Variants in SERTM1 observed in about 807,000 individuals in gnomAD.
The protein encoded by SERTM1 is serine-rich and transmembrane domain-containing protein 1.
A neutral mutation model predicts 5.5 loss-of-function variants in SERTM1; 1 was observed. The ratio of observed to expected loss-of-function variants is 0.18; its 90% CI spans 0.06 to 0.86. The LOEUF is 0.86. Ranked by LOEUF, SERTM1 falls within the 40% of genes least tolerant of loss-of-function variation. The pLI, the probability that SERTM1 is intolerant of heterozygous loss-of-function variation, is 0.69. For missense variants in SERTM1, 91 were observed against 122.4 expected, an observed-to-expected ratio of 0.74 and a Z score of 1.21; for synonymous variants, 52 against 55.1, an observed-to-expected ratio of 0.94 and a Z score of 0.25.
At chr13:36,691,371 C>A (rs1162994150) in intron 1 of SERTM1, among the ~76,000 whole-genome samples, 1 of 152,178 alleles carries the variant, frequency 6.6e-6, no homozygotes, top group Non-Finnish European at 1.5e-5. Context: ...CAGGTGTGCG[C>A]TGTCTTACGT....
At chr13:36,694,884 C>G in intron 1 of SERTM1, 22 bp from the exon 2 acceptor site, 4 of 554,310 alleles carry the variant, frequency 7.2e-6, no homozygotes, top group Non-Finnish European at 9.5e-6. Flanking sequence ...GAAGAATGCA[C>G]TGACTTGCTT....
chr13:36,678,049 G>A (rs927724923), intron 1 of SERTM1, among the ~76,000 whole-genome samples: 33 of 152,174 alleles, frequency 2.2e-4, no homozygotes, highest in African/African-American at 7.7e-4. Context: ...AGAAAAAGAG[G>A]GGAGAAGGAG....
chr13:36,676,404 T>G (rs1384852628), intron 1 of SERTM1, among the ~76,000 whole-genome samples: 1 of 152,188 alleles, frequency 6.6e-6, no homozygotes, highest in East Asian at 1.9e-4. Context: ...ACAACATTTT[T>G]GGGGGGTCCT....
In SERTM1 at chr13:36,695,605, C is replaced by A; in HGVS notation, c.*203C>A. The A allele has an allele frequency of 1.7e-6, 1 of 605,418 alleles. No individual in the cohort carries two copies. Among genetic ancestry groups the A allele is most frequent in the Non-Finnish European group, 3.0e-6 (1 of 335,768 alleles). 37.5% of individuals were successfully genotyped at this position (605,418 alleles called of 1,614,324 possible). On this transcript the variant is annotated 3_prime_UTR_variant, in exon 2 of 2. Transcript: ENST00000315190. Reference sequence around the variant, plus strand: ...GATGTTGGTGGAAATGTGTGCAAACCCCAAGGTGCAGAATTTCACACAAAT... The same window carrying A: ...GATGTTGGTGGAAATGTGTGCAAACACCAAGGTGCAGAATTTCACACAAAT...
At chr13:36,688,531 T>C (rs894232108) in intron 1 of SERTM1, among the ~76,000 whole-genome samples, 1 of 152,174 alleles carries the variant, frequency 6.6e-6, no homozygotes, top group Admixed American at 6.5e-5. Context: ...TTCTGAAAGG[T>C]TGTCTAGTTT....
chr13:36,691,154 G>A (rs186351182), intron 1 of SERTM1, among the ~76,000 whole-genome samples: 4 of 152,344 alleles, frequency 2.6e-5, no homozygotes, highest in Admixed American at 2.6e-4. Flanking sequence ...TGCGCTGACT[G>A]CCATGGGTCC....
At chr13:36,694,535 A>G (rs1593402841) in intron 1 of SERTM1, among the ~76,000 whole-genome samples, 1 of 152,350 alleles carries the variant, frequency 6.6e-6, no homozygotes, top group Non-Finnish European at 1.5e-5. Flanking sequence ...TGGTGAATGT[A>G]TGGAATTAAT....
intron 1 of SERTM1, among the ~76,000 whole-genome samples, chr13:36,682,203 G>T (rs1312919439): frequency 6.6e-6 from 1 of 152,166 alleles, no homozygotes; most frequent in African/African-American, 2.4e-5. Context: ...GAAGCTTCAA[G>T]TTTCTTTATT....
chr13:36,690,906 G>A (rs753841808), intron 1 of SERTM1, among the ~76,000 whole-genome samples: 2 of 152,186 alleles, frequency 1.3e-5, no homozygotes, highest in Non-Finnish European at 2.9e-5. Flanking sequence ...CATTGATATG[G>A]CATCTAACAG....
intron 1 of SERTM1, among the ~76,000 whole-genome samples, chr13:36,682,456 T>A (rs1326584360): frequency 6.6e-6 from 1 of 152,184 alleles, no homozygotes; most frequent in Non-Finnish European, 1.5e-5. Flanking sequence ...GAAATTTGCA[T>A]AGAGAAAGTA....
At position 36,695,141 on chromosome 13, in the gene SERTM1, G is replaced by A; in HGVS notation, c.63G>A (p.Glu21=). 1.2e-6 allele frequency: 2 copies of A among 1,614,158 alleles called. No individual in the cohort carries two copies. The highest frequency in any genetic ancestry group is 8.5e-7 in the Non-Finnish European group (1 of 1,180,016). Residue 21 remains glutamate, a synonymous_variant, in exon 2 of 2, where the codon GAG becomes GAA. Coordinates refer to ENST00000315190, the MANE Select transcript of SERTM1 (RefSeq NM_203451.3). Reference sequence around the variant, plus strand: ...GTGTGGAGAATGGAACTTTTCTTGAGCTGTTTCCCACATCCCTGTCCACGT... The same window carrying A: ...GTGTGGAGAATGGAACTTTTCTTGAACTGTTTCCCACATCCCTGTCCACGT... The part of the protein sequence containing the change: ...SGSVENGTFL[E]LFPTSLSTSV...
chr13:36,679,214 A>G (rs988342278), intron 1 of SERTM1, among the ~76,000 whole-genome samples: 10 of 152,196 alleles, frequency 6.6e-5, no homozygotes, highest in Non-Finnish European at 1.0e-4. Context: ...AAATGTCCCA[A>G]AATCTAAACT....
rs1566234536 is a variant in SERTM1 at position 36,697,337 on chromosome 13, A to AT, written c.*1935_*1936insT. 1.2e-5 allele frequency: 2 copies of AT among 163,526 alleles called. No individual in the cohort carries two copies. The highest frequency in any genetic ancestry group is 6.7e-5 in the Admixed American group (1 of 14,874). 10.1% of individuals were successfully genotyped at this position (163,526 alleles called of 1,614,324 possible). A position where few individuals can be genotyped will look rare whatever the true frequency, so the allele number is the denominator to read the frequency against. On this transcript the variant is annotated 3_prime_UTR_variant, in exon 2 of 2. Transcript: ENST00000315190. ...AATATATATATATATATATATATAT[A>AT]AACTCACATACTCCCAATTAAAAGT... is the stretch of plus-strand genomic sequence containing the variant.
rs1207840389 is a variant in SERTM1, at chr13:36,695,285, C to G, written c.207C>G (p.Ile69Met). The change falls in exon 2 of 2, where the codon ATC becomes ATG. Residue 69 changes from isoleucine (I) to methionine (M), a missense_variant. Transcript: ENST00000315190. Reference sequence around the variant, plus strand: ...TTGCCCTCCAGAGGCTCAAAAATATCATCTCCTCCAGTTCCTCCTACCCAG... The same window carrying G: ...TTGCCCTCCAGAGGCTCAAAAATATGATCTCCTCCAGTTCCTCCTACCCAG... ...LIIALQRLKNIISSSSSYPEY... is the reference protein window; with the variant it reads ...LIIALQRLKNMISSSSSYPEY... The G allele has an allele frequency of 6.2e-7, 1 of 1,614,006 alleles. No homozygotes were observed. The highest frequency in any genetic ancestry group is 8.5e-7 in the Non-Finnish European group (1 of 1,179,982).
rs2056807556 is a variant in SERTM1 at position 36,695,485 on chromosome 13, G to C, written c.*83G>C. ...TCCCGTGAGGCATTGCCTCATGAAAGAAATGATCCTTTTGGTGTAGACCTG... is the reference window on the plus strand; with the variant it reads ...TCCCGTGAGGCATTGCCTCATGAAACAAATGATCCTTTTGGTGTAGACCTG... On this transcript the variant is annotated 3_prime_UTR_variant, in exon 2 of 2. Transcript: ENST00000315190. 7.2e-6 allele frequency: 7 copies of C among 978,458 alleles called. No homozygotes were observed. The East Asian group carries it at 1.7e-4, about 24-fold the overall frequency. The allele number at this position is 978,458 out of a possible 1,614,324, so 60.6% of individuals were successfully genotyped here.
At chr13:36,675,101 G>T (rs1294852437) in intron 1 of SERTM1, among the ~76,000 whole-genome samples, 1 of 152,152 alleles carries the variant, frequency 6.6e-6, no homozygotes, top group Non-Finnish European at 1.5e-5. Flanking sequence ...CAGATGCCCG[G>T]GCTCCATCGG....
chr13:36,675,362 C>T (rs1307042818), intron 1 of SERTM1, among the ~76,000 whole-genome samples: 1 of 152,186 alleles, frequency 6.6e-6, no homozygotes, highest in African/African-American at 2.4e-5. Context: ...CGGGACTACT[C>T]CCTAAGACGT....
At chr13:36,683,122 C>A (rs1474962688) in intron 1 of SERTM1, among the ~76,000 whole-genome samples, 3 of 152,006 alleles carry the variant, frequency 2.0e-5, no homozygotes, top group African/African-American at 7.3e-5. Flanking sequence ...ATTCTTATTG[C>A]CTCTCACCTG....
chr13:36,675,063 G>C (rs1348780305), intron 1 of SERTM1, among the ~76,000 whole-genome samples: 1 of 152,154 alleles, frequency 6.6e-6, no homozygotes, highest in Non-Finnish European at 1.5e-5. Flanking sequence ...GACCAGGATT[G>C]GGGCTATGCC....
Sources: allele counts gnomAD v4.1 joint callset (sites outside exome capture counted in the v4.1 genomes callset), GRCh38; gene constraint gnomAD v4.1.1; transcripts MANE v1.5; gene names NCBI Gene and HGNC (gene_info 2026-07-23, HGNC 2026-07-21).